EMILIN2: variants seen among roughly 807,000 people sequenced by gnomAD.
EMILIN2 encodes elastin microfibril interfacer 2.
A neutral mutation model predicts 87.1 loss-of-function variants in EMILIN2; 71 were observed. The ratio of observed to expected loss-of-function variants is 0.82; its 90% CI spans 0.67 to 0.99. EMILIN2 has a LOEUF of 0.99. EMILIN2 is among the 50% of genes least tolerant of loss of function. The probability of loss-of-function intolerance (pLI) is 0.00; values close to 1 mark genes in which losing one functional copy is unlikely to be tolerated. For missense variants in EMILIN2, 1,407 were observed against 1,371.8 expected (o/e 1.03, Z -0.40); for synonymous variants, 581 against 563.4 (o/e 1.03, Z -0.44).
At chr18:2,882,511 G>A (rs1425796553) in intron 2 of EMILIN2, among the ~76,000 whole-genome samples, 1 of 152,210 alleles carries the variant, frequency 6.6e-6, no homozygotes, top group Non-Finnish European at 1.5e-5. Flanking sequence ...CCAGCACTTT[G>A]AGGTTGGGGG....
Position 2,892,154 on chromosome 18 carries a change from G to C in EMILIN2, c.2027G>C (p.Arg676Thr), listed in dbSNP as rs1275790705. 2 of 1,608,070 alleles carry C rather than the reference G, an allele frequency of 1.2e-6. No individual in the cohort carries two copies. The highest frequency in any genetic ancestry group is 1.7e-6 in the Non-Finnish European group (2 of 1,175,972). Residue 676 changes from arginine to threonine, a missense_variant, in exon 4 of 8, where the codon AGG becomes ACG. Transcript: ENST00000254528. ...CCSQLEERWQ[R>T]LQSQVISELD... ...AGTCAGCTGGAGGAGAGGTGGCAGA[G>C]GTTGCAGAGCCAGGTCATCTCGGAG...
intron 2 of EMILIN2, among the ~76,000 whole-genome samples, chr18:2,875,934 C>CT (rs1434142648): frequency 6.6e-6 from 1 of 151,400 alleles, no homozygotes. Context: ...ATTCATTACC[C>CT]TATATGATCA....
At position 2,876,537 on chromosome 18, in the gene EMILIN2, T is replaced by C. The variant is rs538887303; in HGVS notation, c.258-8427T>C. Reference sequence around the variant, plus strand: ...ATCCCAGCACTTTGGGAGGCCGAGGTGGGTGGATCACAAGGTCAGGAGATC... The same window carrying C: ...ATCCCAGCACTTTGGGAGGCCGAGGCGGGTGGATCACAAGGTCAGGAGATC... On this transcript the variant is annotated intron_variant, in intron 2 of 7. Transcript: ENST00000254528. Among the ~76,000 whole-genome samples, 60 of 146,690 alleles carry C rather than the reference T, an allele frequency of 4.1e-4. 1 individual carries two copies. Among genetic ancestry groups the C allele is most frequent in the South Asian group, 1.5e-3 (6 of 4,042 alleles).
chr18:2,885,081 C>T lies in EMILIN2; in HGVS notation c.375C>T (p.Pro125=), dbSNP rs759403891. 38 of 1,613,572 alleles carry T rather than the reference C, an allele frequency of 2.4e-5. No individual in the cohort carries two copies. The highest frequency in any genetic ancestry group is 1.0e-4 in the Admixed American group (6 of 59,944). Residue 125 remains proline, a synonymous_variant, in exon 3 of 8, where the codon CCC becomes CCT. Transcript: ENST00000254528. ...GGDCQEGPKD[P]VKTLRPTPAR... Reference sequence around the variant, plus strand: ...ATTGCCAAGAAGGTCCCAAAGACCCCGTGAAGACCCTCCGCCCCACGCCGG... The same window carrying T: ...ATTGCCAAGAAGGTCCCAAAGACCCTGTGAAGACCCTCCGCCCCACGCCGG...
chr18:2,863,314 G>A (rs1194364860), intron 2 of EMILIN2, among the ~76,000 whole-genome samples: 1 of 151,802 alleles, frequency 6.6e-6, no homozygotes, highest in South Asian at 2.1e-4. Context: ...GTGATGTTAG[G>A]GTGTCAATTT....
chr18:2,859,652 T>C (rs117556485), intron 2 of EMILIN2, among the ~76,000 whole-genome samples: 5,857 of 152,328 alleles, frequency 0.038, 158 homozygotes, highest in Non-Finnish European at 0.06. Context: ...CCTAAGCCAA[T>C]GTCTAGAAGG....
chr18:2,848,054 C>T lies in EMILIN2; in HGVS notation c.257+123C>T. The T allele has an allele frequency of 7.8e-7, 1 of 1,284,742 alleles. No individual in the cohort carries two copies. The highest frequency in any genetic ancestry group is 1.0e-6 in the Non-Finnish European group (1 of 968,038). 79.6% of individuals were successfully genotyped at this position (1,284,742 alleles called of 1,614,324 possible). On this transcript the variant is annotated intron_variant, in intron 2 of 7. Coordinates refer to ENST00000254528, the MANE Select transcript of EMILIN2 (RefSeq NM_032048.3). The surrounding 1 kb of genome is among the most constrained non-coding windows in gnomAD (Gnocchi z 4.1). ...TCCCTTCCAGATCCGGTGAAAAGCC[C>T]GCAGCGGAAAAGCGCTCCGAGCGCT...
At chr18:2,898,845 A>G (rs1369376870) in intron 4 of EMILIN2, among the ~76,000 whole-genome samples, 2 of 152,208 alleles carry the variant, frequency 1.3e-5, no homozygotes, top group African/African-American at 2.4e-5. Flanking sequence ...CCAAGGTAGC[A>G]TGATGGACTT....
At chr18:2,908,385 C>A (rs1241769248) in intron 5 of EMILIN2, among the ~76,000 whole-genome samples, 2 of 152,106 alleles carry the variant, frequency 1.3e-5, no homozygotes, top group Non-Finnish European at 2.9e-5. Context: ...GGCTGGGGCA[C>A]CCCAGGGACC....
At chr18:2,857,056 T>C (rs2076631503) in intron 2 of EMILIN2, among the ~76,000 whole-genome samples, 1 of 152,224 alleles carries the variant, frequency 6.6e-6, no homozygotes, top group South Asian at 2.1e-4. Context: ...TTTCTGGGTG[T>C]GTCACTTAGA....
intron 2 of EMILIN2, among the ~76,000 whole-genome samples, chr18:2,876,674 G>A (rs1418620589): frequency 2.0e-5 from 3 of 150,434 alleles, no homozygotes; most frequent in South Asian, 2.2e-4. Flanking sequence ...GCTGAGGCAG[G>A]AGAATGGCGT....
intron 4 of EMILIN2, 77 bp downstream of exon 4, chr18:2,892,563 C>T (rs2076844427): frequency 2.7e-6 from 4 of 1,492,566 alleles, no homozygotes; most frequent in African/African-American, 1.4e-5. Flanking sequence ...ATTTTTTGTT[C>T]ATTTTTGATA....
At position 2,850,008 on chromosome 18, in the gene EMILIN2, C is replaced by T. The variant is rs575034562; in HGVS notation, c.257+2077C>T. On this transcript the variant is annotated intron_variant, in intron 2 of 7. Coordinates refer to ENST00000254528, the MANE Select transcript of EMILIN2 (RefSeq NM_032048.3). ...GTGGCGTGATCTTGGCTCACTGCAACAACTGCCTCCTGGGTTCAAGCAACT... is the reference window on the plus strand; with the variant it reads ...GTGGCGTGATCTTGGCTCACTGCAATAACTGCCTCCTGGGTTCAAGCAACT... Among the ~76,000 whole-genome samples the T allele has an allele frequency of 2.0e-3, 300 of 151,924 alleles. 1 individual carries two copies. Among genetic ancestry groups the T allele is most frequent in the African/African-American group, 6.7e-3 (276 of 41,416 alleles).
At chr18:2,859,362 A>C (rs2076649486) in intron 2 of EMILIN2, among the ~76,000 whole-genome samples, 1 of 152,078 alleles carries the variant, frequency 6.6e-6, no homozygotes, top group South Asian at 2.1e-4. Context: ...CCATTTGTAC[A>C]TCTTCTTTTG....
chr18:2,863,260 A>G (rs1286348339), intron 2 of EMILIN2, among the ~76,000 whole-genome samples: 2 of 152,068 alleles, frequency 1.3e-5, no homozygotes, highest in Admixed American at 6.6e-5. Flanking sequence ...GCCTTCTGCT[A>G]GCTTTTGAAT....
At chr18:2,883,245 C>A (rs1333365162) in intron 2 of EMILIN2, among the ~76,000 whole-genome samples, 1 of 152,232 alleles carries the variant, frequency 6.6e-6, no homozygotes, top group African/African-American at 2.4e-5. Context: ...AGGTCCAGCA[C>A]ATGATTTGTG....
chr18:2,906,747 A>G (rs2076914559), intron 4 of EMILIN2, 36 bp from the exon 5 acceptor site: 2 of 1,257,586 alleles, frequency 1.6e-6, no homozygotes, highest in Non-Finnish European at 1.0e-6. Flanking sequence ...GAGGTTTCCT[A>G]ATCCCGTGTG....
At chr18:2,892,553 A>G in intron 4 of EMILIN2, 67 bp downstream of exon 4, 1 of 1,500,354 alleles carries the variant, frequency 6.7e-7, no homozygotes, top group African/African-American at 1.4e-5. Context: ...TTTAAAAATA[A>G]TTTTTTGTTC....
chr18:2,901,557 TGACCCTACCC>T (rs1398649278), intron 4 of EMILIN2, among the ~76,000 whole-genome samples: 1 of 152,266 alleles, frequency 6.6e-6, no homozygotes, highest in Non-Finnish European at 1.5e-5. Flanking sequence ...GGTGAGGCTG[TGACCCTACCC>T]GACCCGTGCG....
Sources: gnomAD v4.1 joint callset for allele counts (sites outside exome capture counted in the v4.1 genomes callset) on GRCh38, gnomAD v4.1.1 for gene constraint, Gnocchi (gnomAD v3.1) non-coding constraint, MANE v1.5 for transcripts, NCBI Gene and HGNC (gene_info 2026-07-23, HGNC 2026-07-21) for gene names.